The following SRBD1 variants were observed in gnomAD, a reference collection of about 807,000 sequenced individuals.
SRBD1 encodes the protein S1 RNA binding domain 1.
In SRBD1, 88 loss-of-function variants were observed where a neutral mutation model predicts 115.3. The ratio of observed to expected loss-of-function variants is 0.76; its 90% CI spans 0.64 to 0.91. SRBD1 has a LOEUF of 0.91. Ranked by LOEUF, SRBD1 falls within the 40% of genes least tolerant of loss-of-function variation. SRBD1 has a pLI of 0.00. For missense variants in SRBD1, 1,385 were observed against 1,177.4 expected (o/e 1.18, Z -2.58); for synonymous variants, 509 against 407.7 (o/e 1.25, Z -2.99).
chr2:45,604,849 A>G (rs1674216674), intron 2 of SRBD1, among the ~76,000 whole-genome samples: 1 of 152,172 alleles, frequency 6.6e-6, no homozygotes. Flanking sequence ...TACTTAACAA[A>G]TATCTTCAGA....
At chr2:45,607,992 C>G (rs1324592912) in intron 1 of SRBD1, among the ~76,000 whole-genome samples, 1 of 152,166 alleles carries the variant, frequency 6.6e-6, no homozygotes, top group Non-Finnish European at 1.5e-5. Context: ...ATCAAACAAC[C>G]CACCCAGATC....
intron 15 of SRBD1, among the ~76,000 whole-genome samples, chr2:45,480,873 A>G (rs1669941295): frequency 6.6e-6 from 1 of 152,166 alleles, no homozygotes; most frequent in Admixed American, 6.5e-5. Flanking sequence ...ATAAAGTTCT[A>G]CTGAATGTAA....
intron 19 of SRBD1, among the ~76,000 whole-genome samples, chr2:45,394,657 A>G (rs1667095398): frequency 6.6e-6 from 1 of 152,220 alleles, no homozygotes; most frequent in South Asian, 2.1e-4. Flanking sequence ...ATACTCTGAT[A>G]ATAATAATCT....
In SRBD1 at chr2:45,462,047, T is replaced by C. The variant is rs557639655; in HGVS notation, c.2049+14946A>G. ...GAGATTAAAAATTGTACAAAAACAT[T>C]ACAGGAAAAAAAAAGGAATCATTTT... On this transcript the variant is annotated intron_variant, in intron 16 of 20. Transcript: ENST00000263736. 2.0e-5 allele frequency among the ~76,000 whole-genome samples: 3 copies of C among 152,042 alleles called. No individual in the cohort carries two copies. The East Asian group carries it at 5.8e-4, about 29-fold the overall frequency.
At chr2:45,432,404 T>C (rs1055769864) in intron 16 of SRBD1, among the ~76,000 whole-genome samples, 1 of 152,210 alleles carries the variant, frequency 6.6e-6, no homozygotes, top group Non-Finnish European at 1.5e-5. Context: ...ACTGTTTCCA[T>C]AATAATGTCT....
chr2:45,472,855 T>C (rs890446068), intron 16 of SRBD1, among the ~76,000 whole-genome samples: 34 of 152,186 alleles, frequency 2.2e-4, no homozygotes, highest in Non-Finnish European at 1.0e-4. Context: ...TCCTATTTCA[T>C]GATTTTGCCT....
chr2:45,575,232 G>A (rs1673141271), intron 7 of SRBD1, among the ~76,000 whole-genome samples: 2 of 152,046 alleles, frequency 1.3e-5, no homozygotes, highest in African/African-American at 2.4e-5. Flanking sequence ...CATTTTCAAC[G>A]ACCCATTTGA....
chr2:45,413,438 C>T lies in SRBD1; in HGVS notation c.2334-145G>A, dbSNP rs549735980. ...TGACCTTTTACTTCATAGAAACTAC[C>T]ACTTATTTGTTTAAATCACTGGGAA... On this transcript the variant is annotated intron_variant, in intron 18 of 20. Transcript: ENST00000263736. 801 of 924,724 alleles carry T rather than the reference C, an allele frequency of 8.7e-4. 8 individuals are homozygous for T. In the South Asian group the frequency reaches 9.5e-3, roughly 11 times the overall value. The allele number at this position is 924,724 out of a possible 1,614,324, so 57.3% of individuals were successfully genotyped here.
chr2:45,599,478 C>T lies in SRBD1; in HGVS notation c.619G>A (p.Glu207Lys). ...ACCATGTCCCAATTCATTTCCACCT[C>T]CTCTTTAGTACTATTGGCATTTGCT... ...FPANANSTKE[E>K]VEMNWDMVQV... The change falls in exon 4 of 21, where the codon GAG (glutamate) becomes AAG (lysine). Residue 207 changes from glutamate (E) to lysine (K), a missense_variant. By Grantham distance (56) the Glu-to-Lys change is moderately conservative. Coordinates refer to ENST00000263736, the MANE Select transcript of SRBD1 (RefSeq NM_018079.5). The T allele has an allele frequency of 3.1e-6, 5 of 1,614,090 alleles. No homozygotes were observed. The highest frequency in any genetic ancestry group is 4.2e-6 in the Non-Finnish European group (5 of 1,179,988).
Position 45,562,693 on chromosome 2 carries a change from C to T in SRBD1, c.1369G>A (p.Gly457Arg). 1 of 1,612,154 alleles carries T rather than the reference C, an allele frequency of 6.2e-7. No homozygotes were observed. Among genetic ancestry groups the T allele is most frequent in the Non-Finnish European group, 8.5e-7 (1 of 1,179,508 alleles). ...VLTVKVNISDGVKDEFCRWCI... is the reference protein window; with the variant it reads ...VLTVKVNISDRVKDEFCRWCI... ...CACCTACAGAATTCATCCTTCACTC[C>T]ATCAGAAATATTGACCTTAACCGTC... The change falls in exon 10 of 21, where the codon GGA becomes AGA. Residue 457 changes from glycine to arginine, a missense_variant. Transcript: ENST00000263736.
At chr2:45,605,708 A>T (rs997506429) in intron 1 of SRBD1, among the ~76,000 whole-genome samples, 2 of 152,180 alleles carry the variant, frequency 1.3e-5, no homozygotes, top group Middle Eastern at 3.2e-3. Flanking sequence ...GTTCGAGACC[A>T]GCCTGGCCAA....
chr2:45,530,927 C>T (rs1558458286), intron 14 of SRBD1, among the ~76,000 whole-genome samples: 1 of 151,840 alleles, frequency 6.6e-6, no homozygotes, highest in Admixed American at 6.6e-5. Flanking sequence ...ACAGTGAGAC[C>T]CTGTCTCAAA....
rs74381324 is a variant in SRBD1 at position 45,566,077 on chromosome 2, T to C, written c.1306-3321A>G. Among the ~76,000 whole-genome samples, 574 of 152,256 alleles carry C rather than the reference T, an allele frequency of 3.8e-3. 26 individuals carry two copies. In the East Asian group the frequency reaches 0.094, roughly 25 times the overall value. ...GATGGACAATAAATGTTGGGAGGGA[T>C]GTAGAGAAATCGGAACCTTCACAAA... is the stretch of plus-strand genomic sequence containing the variant. On this transcript the variant is annotated intron_variant, in intron 9 of 20. Transcript: ENST00000263736.
chr2:45,488,131 T>C (rs753810321), intron 15 of SRBD1, 109 bp downstream of exon 15: 1 of 838,580 alleles, frequency 1.2e-6, no homozygotes, highest in Non-Finnish European at 1.9e-6. Flanking sequence ...TTCTTATGCA[T>C]GTAGTATAAC....
At chr2:45,493,168 C>T (rs1359524630) in intron 14 of SRBD1, among the ~76,000 whole-genome samples, 1 of 152,182 alleles carries the variant, frequency 6.6e-6, no homozygotes, top group African/African-American at 2.4e-5. Context: ...ATCTAAAAAA[C>T]ATTCTTCCAA....
chr2:45,540,798 G>C (rs576188332), intron 14 of SRBD1, among the ~76,000 whole-genome samples: 2 of 152,272 alleles, frequency 1.3e-5, no homozygotes, highest in African/African-American at 4.8e-5. Flanking sequence ...GGAAAATGCA[G>C]ATTAAAACCA....
At chr2:45,398,732 T>A (rs1667214338) in intron 19 of SRBD1, among the ~76,000 whole-genome samples, 1 of 149,032 alleles carries the variant, frequency 6.7e-6, no homozygotes, top group African/African-American at 2.5e-5. Context: ...TCAGAAATAG[T>A]TGAACAGTGC....
intron 2 of SRBD1, among the ~76,000 whole-genome samples, chr2:45,603,414 G>A (rs1674163042): frequency 6.6e-6 from 1 of 152,106 alleles, no homozygotes; most frequent in African/African-American, 2.4e-5. Flanking sequence ...TAGCCCCTTT[G>A]ACTCCTCTTC....
intron 14 of SRBD1, among the ~76,000 whole-genome samples, chr2:45,541,053 TG>T (rs1380635044): frequency 6.6e-5 from 10 of 152,218 alleles, no homozygotes; most frequent in African/African-American, 2.4e-4. Context: ...CTGGTGCTAC[TG>T]GCCCAGATCT....
Sources: gnomAD v4.1 joint callset for allele counts (sites outside exome capture counted in the v4.1 genomes callset) on GRCh38, gnomAD v4.1.1 for gene constraint, MANE v1.5 for transcripts, NCBI Gene and HGNC (gene_info 2026-07-23, HGNC 2026-07-21) for gene names.